USP28: variants seen among roughly 807,000 people sequenced by gnomAD.
USP28 encodes the protein ubiquitin specific peptidase 28.
In USP28, 113 loss-of-function variants were observed where a neutral mutation model predicts 145.0. The ratio of observed to expected loss-of-function variants is 0.78; its 90% CI spans 0.67 to 0.91. The LOEUF is 0.91. Among genes scored for constraint, USP28 ranks in the 40% least tolerant of loss-of-function variants. The pLI, the probability that USP28 is intolerant of heterozygous loss-of-function variation, is 0.00. For synonymous variants in USP28, 447 were observed against 450.9 expected (o/e 0.99, Z 0.11); for missense variants, 1,201 against 1,289.6 (o/e 0.93, Z 1.05).
chr11:113,871,891 T>A (rs550167257), intron 1 of USP28, among the ~76,000 whole-genome samples: 1 of 152,120 alleles, frequency 6.6e-6, no homozygotes, highest in African/African-American at 2.4e-5. Context: ...AACTATGAGA[T>A]AGGACCAGGG....
At chr11:113,831,419 T>C (rs1224734184) in intron 8 of USP28, among the ~76,000 whole-genome samples, 1 of 152,202 alleles carries the variant, frequency 6.6e-6, no homozygotes. Flanking sequence ...TCCAAAACTA[T>C]TTTATAGTTA....
At chr11:113,831,004 AT>A (rs755399038) in intron 8 of USP28, 61 bp from the exon 9 acceptor site, 1 of 1,579,104 alleles carries the variant, frequency 6.3e-7, no homozygotes. Flanking sequence ...GCTACATAAA[AT>A]CCAAGCATCA....
intron 3 of USP28, among the ~76,000 whole-genome samples, chr11:113,844,230 G>C (rs1008654654): frequency 1.3e-5 from 2 of 152,038 alleles, no homozygotes; most frequent in Admixed American, 1.3e-4. Context: ...CACGAGGTCA[G>C]GAGTTCGAGA....
intron 18 of USP28, among the ~76,000 whole-genome samples, chr11:113,807,583 T>C (rs1474867099): frequency 6.6e-6 from 1 of 152,042 alleles, no homozygotes; most frequent in Admixed American, 6.5e-5. Context: ...ACTGAAAAAT[T>C]TATATCTGGA....
At chr11:113,839,590 T>A (rs969050642) in intron 5 of USP28, among the ~76,000 whole-genome samples, 3 of 151,960 alleles carry the variant, frequency 2.0e-5, no homozygotes, top group African/African-American at 7.3e-5. Flanking sequence ...AAATAAATTT[T>A]AAAAATGAAG....
chr11:113,837,614 T>C (rs1201937143), intron 5 of USP28, among the ~76,000 whole-genome samples: 1 of 152,214 alleles, frequency 6.6e-6, no homozygotes, highest in Non-Finnish European at 1.5e-5. Flanking sequence ...AATCAGTTCC[T>C]TCCTATCTTC....
intron 5 of USP28, among the ~76,000 whole-genome samples, chr11:113,834,709 A>C (rs1171852893): frequency 6.6e-6 from 1 of 152,188 alleles, no homozygotes; most frequent in African/African-American, 2.4e-5. Context: ...TAAGCCACCA[A>C]GCCCAGCCAA....
intron 1 of USP28, among the ~76,000 whole-genome samples, chr11:113,854,695 A>T (rs957223850): frequency 4.6e-5 from 7 of 152,224 alleles, no homozygotes; most frequent in Middle Eastern, 3.4e-3. Context: ...GGCCAATGCA[A>T]ACGGCCCTGC....
At chr11:113,840,521 C>A (rs1945080256) in intron 5 of USP28, 77 bp downstream of exon 5, 3 of 1,521,412 alleles carry the variant, frequency 2.0e-6, no homozygotes, top group Non-Finnish European at 2.7e-6. Context: ...CCTTTGAAAG[C>A]TATGTTTCTA....
chr11:113,825,450 TTA>T (rs1447179241), intron 11 of USP28, among the ~76,000 whole-genome samples: 8 of 152,324 alleles, frequency 5.3e-5, no homozygotes, highest in African/African-American at 1.9e-4. Context: ...TGGAAATTTC[TTA>T]TAATGTTAAA....
At chr11:113,815,655 A>T (rs1217390472) in intron 13 of USP28, among the ~76,000 whole-genome samples, 1 of 152,228 alleles carries the variant, frequency 6.6e-6, no homozygotes, top group African/African-American at 2.4e-5. Context: ...GCTGGAAGGT[A>T]ATGAAAATGA....
At chr11:113,854,157 T>C in intron 2 of USP28, 101 bp downstream of exon 2, 1 of 1,056,186 alleles carries the variant, frequency 9.5e-7, no homozygotes, top group Admixed American at 2.2e-5. Context: ...TCTGTCCCTA[T>C]ATGTGCTTTA....
intron 1 of USP28, among the ~76,000 whole-genome samples, chr11:113,855,204 A>G (rs1946916397): frequency 6.6e-6 from 1 of 152,224 alleles, no homozygotes; most frequent in African/African-American, 2.4e-5. Flanking sequence ...TCATTAACCT[A>G]AATCATGGAA....
intron 2 of USP28, among the ~76,000 whole-genome samples, chr11:113,853,381 A>C (rs562094765): frequency 6.0e-4 from 88 of 145,586 alleles, no homozygotes; most frequent in Non-Finnish European, 1.1e-3. Context: ...TTAATGTTTT[A>C]TGAGGAAACA....
At chr11:113,874,944 G>T in intron 1 of USP28, 1 of 968,478 alleles carries the variant, frequency 1.0e-6, no homozygotes, top group Non-Finnish European at 1.2e-6. Flanking sequence ...GGGTTGGGAG[G>T]GAGGGAAGTG....
At chr11:113,823,390 T>C (rs994235725) in intron 12 of USP28, among the ~76,000 whole-genome samples, 1 of 152,196 alleles carries the variant, frequency 6.6e-6, no homozygotes, top group African/African-American at 2.4e-5. Flanking sequence ...TGTGTGACTC[T>C]GAGTCACTTC....
intron 9 of USP28, 117 bp downstream of exon 9, chr11:113,830,750 T>A: frequency 1.1e-6 from 1 of 891,930 alleles, no homozygotes; most frequent in Non-Finnish European, 1.7e-6. Flanking sequence ...AGAACCAATA[T>A]TCAGAGCTGA....
chr11:113,817,875 C>T, intron 12 of USP28, 38 bp from the exon 13 acceptor site: 3 of 1,601,316 alleles, frequency 1.9e-6, no homozygotes, highest in Admixed American at 1.7e-5. Context: ...CTGCCCAAGG[C>T]TGTTTTGTAT....
At position 113,809,167 on chromosome 11, in the gene USP28, C is replaced by T. The variant is rs149121605; in HGVS notation, c.2060G>A (p.Arg687Gln). The change falls in exon 17 of 25, where the codon CGG becomes CAG. Residue 687 changes from arginine to glutamine, a missense_variant. Arg to Gln is a conservative substitution (Grantham distance 43). Coordinates refer to ENST00000003302, the Ensembl canonical transcript of USP28. Reference sequence around the variant, plus strand: ...CCACTCCTCTACTTCCTGCTCAAACCGCCAGTTATCCTCCTGAATGTAATG... The same window carrying T: ...CCACTCCTCTACTTCCTGCTCAAACTGCCAGTTATCCTCCTGAATGTAATG... The T allele has an allele frequency of 1.3e-5, 21 of 1,614,066 alleles. No individual in the cohort carries two copies. Among genetic ancestry groups the T allele is most frequent in the Admixed American group, 3.3e-5 (2 of 60,010 alleles).
Sources: allele counts gnomAD v4.1 joint callset (sites outside exome capture counted in the v4.1 genomes callset), GRCh38; gene constraint gnomAD v4.1.1; transcripts MANE v1.5; gene names NCBI Gene and HGNC (gene_info 2026-07-23, HGNC 2026-07-21).